Variants in TYW1B observed in about 807,000 individuals in gnomAD.
The protein encoded by TYW1B is tRNA-yW synthesizing protein 1 homolog B.
A neutral mutation model predicts 86.9 loss-of-function variants in TYW1B; 73 were observed. The ratio of observed to expected loss-of-function variants is 0.84; its 90% CI spans 0.70 to 1.02. TYW1B has a LOEUF of 1.02. Ranked by LOEUF, TYW1B falls within the 50% of genes least tolerant of loss-of-function variation. The pLI is 0.00. For missense variants in TYW1B, 637 were observed against 827.4 expected, an observed-to-expected ratio of 0.77 and a Z score of 2.82; for synonymous variants, 248 against 292.8, an observed-to-expected ratio of 0.85 and a Z score of 1.56.
intron 8 of TYW1B, among the ~76,000 whole-genome samples, chr7:72,743,579 C>T (rs2129571338): frequency 6.6e-6 from 1 of 152,206 alleles, no homozygotes; most frequent in South Asian, 2.1e-4. Context: ...TGCAGTGGCT[C>T]ACACCTGTAA....
At chr7:72,804,430 C>T (rs1291451952) in intron 5 of TYW1B, among the ~76,000 whole-genome samples, 9 of 152,062 alleles carry the variant, frequency 5.9e-5, no homozygotes, top group Non-Finnish European at 1.2e-4. Flanking sequence ...TAAAACAGCC[C>T]CTCTTAGGCG....
At chr7:72,819,201 C>T (rs1222702059) in intron 2 of TYW1B, among the ~76,000 whole-genome samples, 2 of 152,026 alleles carry the variant, frequency 1.3e-5, no homozygotes, top group African/African-American at 2.4e-5. Context: ...CAAAGAGCCA[C>T]ACGTGTAGGA....
Position 72,828,157 on chromosome 7 carries a change from C to T in TYW1B, c.-82G>A. On this transcript the variant is annotated 5_prime_UTR_variant, in exon 1 of 14. Transcript: ENST00000620995. Reference sequence around the variant, plus strand: ...CACTGGTACTGCGAGACGCACCGAGCTACCTCGCGGCGTTAGCGCCGTACC... The same window carrying T: ...CACTGGTACTGCGAGACGCACCGAGTTACCTCGCGGCGTTAGCGCCGTACC... The T allele has an allele frequency of 6.3e-7, 1 of 1,598,606 alleles. No individual in the cohort carries two copies. Among genetic ancestry groups the T allele is most frequent in the South Asian group, 1.1e-5 (1 of 88,906 alleles).
chr7:72,817,078 T>C (rs1371748573), intron 2 of TYW1B, among the ~76,000 whole-genome samples: 1 of 151,952 alleles, frequency 6.6e-6, no homozygotes, highest in Non-Finnish European at 1.5e-5. Context: ...TAATGATAAC[T>C]CCCAATAGTA....
At position 72,813,733 on chromosome 7, in the gene TYW1B, G is replaced by T. The variant is rs13245725; in HGVS notation, c.237+1647C>A. ...AATCTTCATAGATATTAAGTAATGC[G>T]CCCAGGCACAGTGGCTCATGCCTGT... is the stretch of plus-strand genomic sequence containing the variant. On this transcript the variant is annotated intron_variant, in intron 3 of 13. Coordinates refer to ENST00000620995, the MANE Select transcript of TYW1B (RefSeq NM_001145440.3). Among the ~76,000 whole-genome samples, 1,180 of 152,228 alleles carry T rather than the reference G, an allele frequency of 7.8e-3. 12 individuals are homozygous for T. The highest frequency in any genetic ancestry group is 0.01 in the Non-Finnish European group (689 of 68,032).
intron 10 of TYW1B, among the ~76,000 whole-genome samples, chr7:72,698,980 G>C (rs1245366183): frequency 6.6e-6 from 1 of 152,164 alleles, no homozygotes; most frequent in Non-Finnish European, 1.5e-5. Flanking sequence ...GGATTACTAC[G>C]AACTGGACAC....
At chr7:72,665,747 C>T (rs34190185) in intron 11 of TYW1B, among the ~76,000 whole-genome samples, 8,301 of 110,306 alleles carry the variant, frequency 0.075, no homozygotes, top group African/African-American at 0.13. Flanking sequence ...TATCAGAAAA[C>T]AGGGGCCTTA....
intron 12 of TYW1B, among the ~76,000 whole-genome samples, chr7:72,621,172 CTCTT>C (rs1197908510): frequency 6.6e-6 from 1 of 152,192 alleles, no homozygotes; most frequent in Non-Finnish European, 1.5e-5. Flanking sequence ...CTGTCTGTCT[CTCTT>C]TCTCTGTCTT....
At chr7:72,582,986 T>A (rs1265232442) in intron 13 of TYW1B, among the ~76,000 whole-genome samples, 9 of 152,104 alleles carry the variant, frequency 5.9e-5, no homozygotes, top group African/African-American at 2.2e-4. Context: ...ATGTGTATGT[T>A]AGGAGGGTGG....
intron 7 of TYW1B, 78 bp from the exon 8 acceptor site, chr7:72,744,679 G>C: frequency 3.5e-6 from 5 of 1,438,198 alleles, no homozygotes; most frequent in Non-Finnish European, 3.9e-6. Context: ...TCATTTTTAA[G>C]AGAAACCATG....
At chr7:72,786,718 G>A (rs1379986667) in intron 6 of TYW1B, among the ~76,000 whole-genome samples, 2 of 151,700 alleles carry the variant, frequency 1.3e-5, no homozygotes, top group Admixed American at 1.3e-4. Context: ...GGGATTATAG[G>A]CACGCACCAT....
chr7:72,653,859 A>G (rs562120968), intron 11 of TYW1B, among the ~76,000 whole-genome samples: 35 of 152,282 alleles, frequency 2.3e-4, no homozygotes, highest in East Asian at 9.6e-4. Context: ...AAGCGGGTGG[A>G]TCACAAGGTC....
At chr7:72,770,870 C>T (rs1336442819) in intron 7 of TYW1B, among the ~76,000 whole-genome samples, 1 of 151,312 alleles carries the variant, frequency 6.6e-6, no homozygotes, top group Non-Finnish European at 1.5e-5. Context: ...TGATATGACA[C>T]GGATGCATCT....
chr7:72,757,509 A>G (rs1787613213), intron 7 of TYW1B, among the ~76,000 whole-genome samples: 1 of 152,312 alleles, frequency 6.6e-6, no homozygotes, highest in South Asian at 2.1e-4. Context: ...ACAATGTGGT[A>G]TTGGCACAGG....
chr7:72,745,849 GGGGTGT>G (rs1304474488), intron 7 of TYW1B, among the ~76,000 whole-genome samples: 10,396 of 129,578 alleles, frequency 0.08, 385 homozygotes, highest in Non-Finnish European at 0.091. Flanking sequence ...CACGTGTATA[GGGGTGT>G]GTGTGTGTGT....
At chr7:72,630,144 C>T (rs781987675) in intron 11 of TYW1B, among the ~76,000 whole-genome samples, 1 of 151,906 alleles carries the variant, frequency 6.6e-6, no homozygotes, top group East Asian at 1.9e-4. Flanking sequence ...CCAGGCGTGG[C>T]GGCGTGCACC....
intron 11 of TYW1B, among the ~76,000 whole-genome samples, chr7:72,660,088 G>A (rs1317410692): frequency 3.9e-5 from 6 of 152,222 alleles, no homozygotes; most frequent in Non-Finnish European, 8.8e-5. Flanking sequence ...GAATCATGGC[G>A]ACCAGGTGTG....
At chr7:72,822,607 T>A (rs77185886) in intron 2 of TYW1B, among the ~76,000 whole-genome samples, 1 of 140,036 alleles carries the variant, frequency 7.1e-6, no homozygotes, top group African/African-American at 2.6e-5. Context: ...TAGTCTTCTA[T>A]ACATGACCAA....
intron 10 of TYW1B, among the ~76,000 whole-genome samples, chr7:72,703,094 G>C (rs28761274): frequency 0.79 from 113,001 of 143,926 alleles, 44,845 homozygotes; most frequent in Middle Eastern, 0.86. Flanking sequence ...GCACTATCTC[G>C]GCTCACTGCA....
Sources: gnomAD v4.1 joint callset for allele counts (sites outside exome capture counted in the v4.1 genomes callset) on GRCh38, gnomAD v4.1.1 for gene constraint, MANE v1.5 for transcripts, NCBI Gene and HGNC (gene_info 2026-07-23, HGNC 2026-07-21) for gene names.